NPAS3: variants seen among roughly 807,000 people sequenced by gnomAD.
NPAS3 encodes the protein neuronal PAS domain protein 3, also known as neuronal PAS domain-containing protein 3.
In NPAS3, 14 loss-of-function variants were observed where a neutral mutation model predicts 73.1. The observed-to-expected ratio is 0.19, with a 90% CI of 0.13 to 0.30. The LOEUF (loss-of-function observed/expected upper bound fraction) is 0.30, where lower values mean the gene tolerates loss of function less well. Ranked by LOEUF, NPAS3 falls within the 10% of genes least tolerant of loss-of-function variation. The pLI, the probability that NPAS3 is intolerant of heterozygous loss-of-function variation, is 1.00. For synonymous variants in NPAS3, 620 were observed against 541.5 expected, an observed-to-expected ratio of 1.14 and a Z score of -2.01; for missense variants, 1,096 against 1,250.0, an observed-to-expected ratio of 0.88 and a Z score of 1.86.
chr14:33,261,991 C>T (rs1477992646), intron 3 of NPAS3, among the ~76,000 whole-genome samples: 1 of 152,134 alleles, frequency 6.6e-6, no homozygotes, highest in Admixed American at 6.5e-5. Flanking sequence ...TCTAGAGTTT[C>T]AAATAAACTA....
At chr14:33,787,339 T>A (rs1228274941) in intron 9 of NPAS3, among the ~76,000 whole-genome samples, 2 of 152,298 alleles carry the variant, frequency 1.3e-5, no homozygotes, top group South Asian at 2.1e-4. Context: ...CAATGAAAAG[T>A]TTTCTGCATG....
At chr14:33,690,142 G>T (rs552717413) in intron 6 of NPAS3, among the ~76,000 whole-genome samples, 2 of 152,312 alleles carry the variant, frequency 1.3e-5, no homozygotes, top group Admixed American at 1.3e-4. Context: ...GCAACCCATG[G>T]CTCCTTTACT....
At chr14:33,399,950 A>G (rs2047381089) in intron 4 of NPAS3, among the ~76,000 whole-genome samples, 2 of 152,084 alleles carry the variant, frequency 1.3e-5, no homozygotes, top group Non-Finnish European at 2.9e-5. Context: ...AACAGAAACA[A>G]AACTCATATT....
intron 1 of NPAS3, among the ~76,000 whole-genome samples, chr14:32,964,861 T>C (rs936614840): frequency 6.6e-6 from 1 of 150,544 alleles, no homozygotes; most frequent in African/African-American, 2.4e-5. Context: ...GCTAAGCAAC[T>C]AGGGAGGCTG....
At chr14:33,290,509 A>G (rs1041324285) in intron 3 of NPAS3, among the ~76,000 whole-genome samples, 1 of 152,220 alleles carries the variant, frequency 6.6e-6, no homozygotes, top group African/African-American at 2.4e-5. Context: ...ATAAATGGAC[A>G]TGTGCTTAAT....
intron 3 of NPAS3, among the ~76,000 whole-genome samples, chr14:33,272,800 C>A (rs1316929316): frequency 6.6e-6 from 1 of 152,178 alleles, no homozygotes; most frequent in African/African-American, 2.4e-5. Flanking sequence ...GAATAGTCTT[C>A]CTCCAAAGCA....
chr14:33,005,410 T>C (rs1276257065), intron 1 of NPAS3, among the ~76,000 whole-genome samples: 1 of 152,220 alleles, frequency 6.6e-6, no homozygotes, highest in Non-Finnish European at 1.5e-5. Context: ...TTAGTGAATC[T>C]GTATACTTTG....
chr14:33,262,363 T>C (rs1391446140), intron 3 of NPAS3, among the ~76,000 whole-genome samples: 4 of 152,254 alleles, frequency 2.6e-5, no homozygotes, highest in African/African-American at 9.6e-5. Flanking sequence ...GTTTTAGATT[T>C]CCTTCAAGTT....
intron 2 of NPAS3, among the ~76,000 whole-genome samples, chr14:33,077,629 T>C (rs1477401144): frequency 2.0e-5 from 3 of 152,180 alleles, no homozygotes; most frequent in African/African-American, 7.2e-5. Flanking sequence ...TTTTGCACTC[T>C]AAAAATGGTA....
At chr14:33,502,445 T>G (rs2052563201) in intron 4 of NPAS3, among the ~76,000 whole-genome samples, 1 of 151,938 alleles carries the variant, frequency 6.6e-6, no homozygotes, top group South Asian at 2.1e-4. Flanking sequence ...GGGAGAGCCC[T>G]GTCCTGACCC....
intron 4 of NPAS3, among the ~76,000 whole-genome samples, chr14:33,377,993 A>G (rs528235211): frequency 6.6e-6 from 1 of 152,184 alleles, no homozygotes; most frequent in Non-Finnish European, 1.5e-5. Flanking sequence ...AAGAAAACAG[A>G]CCAACATAGT....
At chr14:32,978,599 C>G (rs1201279122) in intron 1 of NPAS3, among the ~76,000 whole-genome samples, 1 of 152,024 alleles carries the variant, frequency 6.6e-6, no homozygotes, top group African/African-American at 2.4e-5. Context: ...GAAACTGGGT[C>G]TCTGTCACTT....
At chr14:33,586,920 G>C (rs189822063) in intron 5 of NPAS3, among the ~76,000 whole-genome samples, 105 of 152,216 alleles carry the variant, frequency 6.9e-4, no homozygotes, top group Non-Finnish European at 1.1e-3. Context: ...TAGAGTTTGG[G>C]GGAGCACTGA....
intron 5 of NPAS3, 22 bp downstream of exon 5, chr14:33,560,232 T>G: frequency 2.3e-6 from 2 of 853,764 alleles, no homozygotes. Context: ...AATTTTAGAT[T>G]CTTGGCAGCG....
At chr14:32,972,218 G>A (rs753503023) in intron 1 of NPAS3, among the ~76,000 whole-genome samples, 5 of 151,808 alleles carry the variant, frequency 3.3e-5, no homozygotes, top group South Asian at 4.2e-4. Context: ...GATTACAGGC[G>A]TGAGCCACCG....
chr14:33,550,886 G>C (rs1162557207), intron 4 of NPAS3, among the ~76,000 whole-genome samples: 2 of 152,160 alleles, frequency 1.3e-5, no homozygotes. Flanking sequence ...ACCCAGAAGA[G>C]GTGCAGTTAC....
intron 1 of NPAS3, among the ~76,000 whole-genome samples, chr14:32,967,778 G>GT (rs1040659961): frequency 1.8e-4 from 27 of 150,290 alleles, no homozygotes; most frequent in African/African-American, 5.6e-4. Flanking sequence ...ATGTGGGGGG[G>GT]GGTCCTAAAA....
intron 4 of NPAS3, among the ~76,000 whole-genome samples, chr14:33,385,754 G>A (rs1223776709): frequency 6.6e-6 from 1 of 152,168 alleles, no homozygotes; most frequent in African/African-American, 2.4e-5. Context: ...CTTCTCTGGA[G>A]TTGCACATAT....
At chr14:33,563,616 A>G (rs2055775515) in intron 5 of NPAS3, among the ~76,000 whole-genome samples, 1 of 152,074 alleles carries the variant, frequency 6.6e-6, no homozygotes, top group Non-Finnish European at 1.5e-5. Context: ...GTTTCAGGTT[A>G]TAGAAGTATG....
Sources: allele counts gnomAD v4.1 joint callset (sites outside exome capture counted in the v4.1 genomes callset), GRCh38; gene constraint gnomAD v4.1.1; transcripts MANE v1.5; gene names NCBI Gene and HGNC (gene_info 2026-07-23, HGNC 2026-07-21).